ZNF320: variants seen among roughly 807,000 people sequenced by gnomAD.
ZNF320 encodes zinc finger gene 320.
A neutral mutation model predicts 6.8 loss-of-function variants in ZNF320; 2 were observed. The observed-to-expected ratio is 0.29, with a 90% CI of 0.12 to 0.93. The LOEUF (loss-of-function observed/expected upper bound fraction) is 0.93, where lower values mean the gene tolerates loss of function less well. Ranked by LOEUF, ZNF320 falls within the 40% of genes least tolerant of loss-of-function variation. The pLI, the probability that ZNF320 is intolerant of heterozygous loss-of-function variation, is 0.55. For missense variants in ZNF320, 472 were observed against 611.0 expected (o/e 0.77, Z 2.40); for synonymous variants, 208 against 203.2 (o/e 1.02, Z -0.20).
At chr19:52,865,232 G>C (rs2063521871) in intron 5 of ZNF320, 1 of 161,444 alleles carries the variant, frequency 6.2e-6, no homozygotes, top group Non-Finnish European at 1.3e-5. Flanking sequence ...TGAGGCAGAA[G>C]AATCGCTTGA....
rs11666550 is a variant in ZNF320 at position 52,893,812 on chromosome 19, G to A, written c.-225C>T. The A allele has an allele frequency of 0.19, 28,295 of 152,136 alleles. 3,126 individuals carry two copies. Among genetic ancestry groups the A allele is most frequent in the South Asian group, 0.3 (1,427 of 4,814 alleles). The allele number at this position is 152,136 out of a possible 1,614,324, so 9.4% of individuals were successfully genotyped here. A position where few individuals can be genotyped will look rare whatever the true frequency, so the allele number is the denominator to read the frequency against. ...GGTGGGAGAATTGCTTGAGCCCGGA[G>A]AGCAGAGGTTGAAGTGAATCAAGAT... is the stretch of plus-strand genomic sequence containing the variant. On this transcript the variant is annotated 5_prime_UTR_variant, in exon 2 of 6. Transcript: ENST00000682928.
At chr19:52,876,165 G>A (rs1377896625), downstream of ZNF320, 25 of 152,134 alleles carry the variant, frequency 1.6e-4, no homozygotes, top group Admixed American at 1.6e-3. Context: ...AAAGAAAGAA[G>A]ATGGAATAAT....
exon 6 of ZNF320, among the ~76,000 whole-genome samples, chr19:52,860,893 C>T (rs990765463): frequency 1.3e-5 from 2 of 152,016 alleles, no homozygotes; most frequent in African/African-American, 4.8e-5. Flanking sequence ...ACAGTTTTTC[C>T]ACTCATGCAC....
chr19:52,901,164 A>C (rs1039117536), upstream of ZNF320, among the ~76,000 whole-genome samples: 2 of 152,192 alleles, frequency 1.3e-5, no homozygotes, highest in African/African-American at 4.8e-5. Flanking sequence ...TCCTTGGGCT[A>C]CATACTTTGG....
At chr19:52,863,936 C>A (rs1335901451) in exon 6 of ZNF320, 2 of 391,104 alleles carry the variant, frequency 5.1e-6, no homozygotes, top group South Asian at 2.0e-5. Flanking sequence ...ACATCAAAAG[C>A]ACGTATGGGG....
chr19:52,898,370 C>A (rs2064534076), upstream of ZNF320, among the ~76,000 whole-genome samples: 1 of 152,096 alleles, frequency 6.6e-6, no homozygotes. Flanking sequence ...GTCTGGGGTC[C>A]CGGCTACTCA....
At chr19:52,865,782 TATATG>T (rs1291549474) in intron 5 of ZNF320, among the ~76,000 whole-genome samples, 4 of 125,254 alleles carry the variant, frequency 3.2e-5, no homozygotes, top group Non-Finnish European at 4.7e-5. Context: ...TATATTTATA[TATATG>T]ATTATACACA....
Position 52,880,677 on chromosome 19 carries a change from G to T in ZNF320, c.1449C>A (p.Leu483=), listed in dbSNP as rs750131215. The T allele has an allele frequency of 5.0e-6, 8 of 1,613,908 alleles. No homozygotes were observed. The highest frequency in any genetic ancestry group is 6.8e-6 in the Non-Finnish European group (8 of 1,179,858). The part of the protein sequence containing the change: ...QCGKVFSLRS[L]LAEHQKIPFG... ...AAGGAATTTTCTGATGTTCTGCAAG[G>T]AGTGACCTCAGACTAAAGACCTTGC... is the stretch of plus-strand genomic sequence containing the variant. The change falls in exon 6 of 6, where the codon CTC becomes CTA. Residue 483 remains leucine (L), a synonymous_variant. Coordinates refer to ENST00000682928, the MANE Select transcript of ZNF320 (RefSeq NM_001351774.2).
intron 5 of ZNF320, chr19:52,865,470 T>TATATATATATATATATGTAA (rs1414636050): frequency 9.9e-5 from 4 of 40,348 alleles, no homozygotes; most frequent in African/African-American, 4.2e-4. Flanking sequence ...TATATATATA[T>TATATATATATATATATGTAA]TACATATATA....
At chr19:52,861,950 T>G in exon 6 of ZNF320, 1 of 365,214 alleles carries the variant, frequency 2.7e-6, no homozygotes, top group African/African-American at 2.1e-5. Context: ...GTATGAATTC[T>G]CCTATGTTTT....
chr19:52,892,668 A>G (rs1000861766), intron 2 of ZNF320, among the ~76,000 whole-genome samples: 5 of 152,214 alleles, frequency 3.3e-5, no homozygotes, highest in East Asian at 1.9e-4. Flanking sequence ...TCTTTAGATC[A>G]TCCTCAATCT....
downstream of ZNF320, among the ~76,000 whole-genome samples, chr19:52,874,811 GA>G: frequency 6.6e-6 from 1 of 152,288 alleles, no homozygotes; most frequent in East Asian, 1.9e-4. Flanking sequence ...AAGACTTAGG[GA>G]AGAAACGCTG....
At chr19:52,873,694 G>C (rs2063719182), downstream of ZNF320, among the ~76,000 whole-genome samples, 1 of 152,120 alleles carries the variant, frequency 6.6e-6, no homozygotes, top group Non-Finnish European at 1.5e-5. Context: ...TGTGGCCCTT[G>C]AACAAACCCT....
rs748742438 is a variant in ZNF320 at position 52,881,714 on chromosome 19, C to G, written c.412G>C (p.Gly138Arg). ...QRHAGNKPIK[G>R]QLESRFHLHL... is the part of the protein sequence containing the mutation. ...AAATGAAATCTTGATTCAAGCTGAC[C>G]TTTAATAGGCTTGTTTCCAGCATGC... Residue 138 changes from glycine (G) to arginine (R), a missense_variant, in exon 6 of 6, where the codon GGT becomes CGT. By Grantham distance (125) the Gly-to-Arg change is moderately radical (BLOSUM62 -2). Transcript: ENST00000682928. The G allele has an allele frequency of 6.8e-6, 11 of 1,613,962 alleles. No individual in the cohort carries two copies. In the East Asian group the frequency reaches 2.5e-4, roughly 36 times the overall value.
At chr19:52,887,000 A>AGGAAGGAAGGAG (rs1555821376) in intron 5 of ZNF320, among the ~76,000 whole-genome samples, 78 of 87,544 alleles carry the variant, frequency 8.9e-4, no homozygotes, top group African/African-American at 2.8e-3. Flanking sequence ...GAAGGAAGGA[A>AGGAAGGAAGGAG]GGAAGGAAAA....
chr19:52,865,577 TTA>T (rs1033229057), intron 5 of ZNF320: 5 of 122,056 alleles, frequency 4.1e-5, no homozygotes, highest in Admixed American at 9.0e-5. Context: ...ACATATATAT[TTA>T]TATGATTATA....
rs145163940 is a variant in ZNF320, at chr19:52,881,825, A to C, written c.301T>G (p.Trp101Gly). The part of the protein sequence containing the change: ...EKDIHDFVFQ[W>G]QEDETNDHEA... ...TGGTCATTTGTTTCATCTTCTTGCC[A>C]CTGAAACACAAAGTCATGAATGTCT... Residue 101 changes from tryptophan to glycine, a missense_variant, in exon 6 of 6, where the codon TGG (tryptophan) becomes GGG (glycine). Trp to Gly is a radical substitution (Grantham distance 184, BLOSUM62 -2). Around this residue, in one of 2 missense-constraint regions of ZNF320, gnomAD observed 462 missense variants for 559.7 expected, o/e 0.83. Transcript: ENST00000682928. 28 of 1,613,796 alleles carry C rather than the reference A, an allele frequency of 1.7e-5. No homozygotes were observed. In the African/African-American group the frequency reaches 3.5e-4, roughly 20 times the overall value.
rs1036514441 is a variant in ZNF320 at position 52,862,618 on chromosome 19, G to A, written c.*1411C>T. ...TCACTATACCATGGATTGCTTGATG[G>A]TGAATAGGCGATGCCCTCACCCTAA... On this transcript the variant is annotated 3_prime_UTR_variant, in exon 6 of 6. Coordinates refer to the ZNF320 transcript ENST00000673631. The A allele has an allele frequency of 3.7e-4, 183 of 495,282 alleles. 3 individuals are homozygous for A. Among genetic ancestry groups the A allele is most frequent in the South Asian group, 3.6e-3 (177 of 49,582 alleles). 30.7% of individuals were successfully genotyped at this position (495,282 alleles called of 1,614,324 possible). A position where few individuals can be genotyped will look rare whatever the true frequency, so the allele number is the denominator to read the frequency against.
chr19:52,862,631 G>A (rs997574110), exon 6 of ZNF320: 20 of 539,794 alleles, frequency 3.7e-5, no homozygotes, highest in South Asian at 1.9e-5. Flanking sequence ...AATAGGCGAT[G>A]CCCTCACCCT....
Sources: allele counts gnomAD v4.1 joint callset (sites outside exome capture counted in the v4.1 genomes callset), GRCh38; gene constraint gnomAD v4.1.1; regional missense constraint gnomAD v4.1.1; transcripts MANE v1.5; gene names NCBI Gene and HGNC (gene_info 2026-07-23, HGNC 2026-07-21).